The following NOS1 variants were observed in gnomAD, a reference collection of about 807,000 sequenced individuals.
The protein encoded by NOS1 is NOS type I.
NOS1 carries 51 observed loss-of-function variants against 164.5 expected under a neutral mutation model. The observed-to-expected ratio is 0.31, with a 90% CI of 0.25 to 0.39. The LOEUF (loss-of-function observed/expected upper bound fraction) is 0.39. Ranked by LOEUF, NOS1 falls within the 10% of genes least tolerant of loss-of-function variation. The pLI is 1.00. For missense variants in NOS1, 1,362 were observed against 1,885.6 expected (o/e 0.72, Z 5.14); for synonymous variants, 719 against 745.8 (o/e 0.96, Z 0.59).
chr12:117,350,495 C>T (rs1246616498), intron 1 of NOS1, among the ~76,000 whole-genome samples: 2 of 152,176 alleles, frequency 1.3e-5, no homozygotes, highest in Non-Finnish European at 2.9e-5. Context: ...TTATAGTACC[C>T]ACTCCCATTT....
At position 117,318,392 on chromosome 12, in the gene NOS1, A is replaced by G. The variant is rs76893201; in HGVS notation, c.726-6800T>C. 3.0e-3 allele frequency among the ~76,000 whole-genome samples: 462 copies of G among 152,220 alleles called. 2 individuals carry two copies. Among genetic ancestry groups the G allele is most frequent in the African/African-American group, 0.011 (438 of 41,536 alleles). On this transcript the variant is annotated intron_variant, in intron 2 of 28. Transcript: ENST00000317775. ...GTCAGCCTTTCCTTTCTTCACTCCCATCCTCCTATAAGGCCAGGTGTGGAG... is the reference window on the plus strand; with the variant it reads ...GTCAGCCTTTCCTTTCTTCACTCCCGTCCTCCTATAAGGCCAGGTGTGGAG...
intron 3 of NOS1, among the ~76,000 whole-genome samples, chr12:117,302,314 G>A (rs1463018290): frequency 6.6e-6 from 1 of 152,120 alleles, no homozygotes; most frequent in African/African-American, 2.4e-5. Context: ...ATTAGTTGTC[G>A]GCCGGCGCGG....
At chr12:117,247,944 T>TAAAAAAAA (rs534303027) in intron 17 of NOS1, among the ~76,000 whole-genome samples, 1 of 118,188 alleles carries the variant, frequency 8.5e-6, no homozygotes, top group African/African-American at 3.0e-5. Flanking sequence ...AGACTCCGTC[T>TAAAAAAAA]AAAAAAAAAA....
At chr12:117,321,261 C>T (rs1325753869) in intron 2 of NOS1, among the ~76,000 whole-genome samples, 8 of 152,294 alleles carry the variant, frequency 5.3e-5, no homozygotes, top group East Asian at 1.9e-4. Context: ...CCACCCGCCT[C>T]GGCCTCCCAA....
rs901611780 is a variant in NOS1, at chr12:117,280,579, A to G, written c.1524+146T>C. 7 of 818,784 alleles carry G rather than the reference A, an allele frequency of 8.5e-6. No homozygotes were observed. In the South Asian group the frequency reaches 1.2e-4, roughly 14 times the overall value. 50.7% of individuals were successfully genotyped at this position (818,784 alleles called of 1,614,324 possible). A position where few individuals can be genotyped will look rare whatever the true frequency, so the allele number is the denominator to read the frequency against. On this transcript the variant is annotated intron_variant, in intron 8 of 28. Coordinates refer to ENST00000317775, the MANE Select transcript of NOS1 (RefSeq NM_000620.5). ...CTGTAAAAGAATTAGATTGGGGAAC[A>G]GCCTGATGGAGAAGCAGGTTTGGAG...
chr12:117,322,681 TCTTC>T (rs58277123), intron 2 of NOS1, among the ~76,000 whole-genome samples: 44,956 of 110,468 alleles, frequency 0.41, 9,671 homozygotes, highest in Admixed American at 0.48. Flanking sequence ...CTGCTTCCTT[TCTTC>T]CTTCCTTCCT....
At position 117,311,475 on chromosome 12, in the gene NOS1, C is replaced by T; in HGVS notation, c.843G>A (p.Glu281=). 2 of 1,606,564 alleles carry T rather than the reference C, an allele frequency of 1.2e-6. No homozygotes were observed. The highest frequency in any genetic ancestry group is 2.7e-5 in the African/African-American group (2 of 74,966). ...GGCATCAAGCACTTACCTGCTCCTT[C>T]TCTGAATATGGGTTGTTGAGGACGA... The part of the protein sequence containing the change: ...VPVVLNNPYS[E]KEQPPTSGKQ... Residue 281 remains glutamate (E), a synonymous_variant, in exon 3 of 29, where the codon GAG becomes GAA. Transcript: ENST00000317775.
In NOS1 at chr12:117,290,371, G is replaced by C; in HGVS notation, c.908C>G (p.Pro303Arg). The part of the protein sequence containing the change: ...PTKNGSPSKC[P>R]RFLKVKNWET... ...CCAGTTCTTGACCTTGAGGAAGCGT[G>C]GACACTTGGAGGGGCTGCCATTCTT... The change falls in exon 4 of 29, where the codon CCA becomes CGA. Residue 303 changes from proline (P) to arginine (R), a missense_variant. By Grantham distance (103) the Pro-to-Arg change is moderately radical. Coordinates refer to ENST00000317775, the MANE Select transcript of NOS1 (RefSeq NM_000620.5). 1 of 1,613,994 alleles carries C rather than the reference G, an allele frequency of 6.2e-7. No individual in the cohort carries two copies. Among genetic ancestry groups the C allele is most frequent in the Non-Finnish European group, 8.5e-7 (1 of 1,179,946 alleles).
intron 6 of NOS1, 83 bp from the exon 7 acceptor site, chr12:117,285,415 C>T: frequency 1.3e-6 from 1 of 797,484 alleles, no homozygotes; most frequent in South Asian, 1.9e-5. Context: ...TTTAGGAGAA[C>T]CCAGATCCCA....
At chr12:117,357,491 T>C (rs948686492) in intron 1 of NOS1, among the ~76,000 whole-genome samples, 4 of 152,242 alleles carry the variant, frequency 2.6e-5, no homozygotes, top group African/African-American at 9.6e-5. Flanking sequence ...CGATGAGGAT[T>C]GGACAATAAG....
chr12:117,343,768 C>T (rs1876221058), intron 1 of NOS1, among the ~76,000 whole-genome samples: 1 of 152,152 alleles, frequency 6.6e-6, no homozygotes, highest in Non-Finnish European at 1.5e-5. Context: ...TCCTTGGGTG[C>T]TTTCTGGTGT....
rs1956524626 is a variant in NOS1, at chr12:117,211,337, G to A, written c.*3972C>T. On this transcript the variant is annotated 3_prime_UTR_variant, in exon 29 of 29. Coordinates refer to ENST00000317775, the MANE Select transcript of NOS1 (RefSeq NM_000620.5). ...CAGGTACGCTGATTCAGTTCCTGGA[G>A]TCTCTTTATCACTACATCCGCCTCT... is the stretch of plus-strand genomic sequence containing the variant. The A allele has an allele frequency of 1.0e-6, 1 of 985,298 alleles. No individual in the cohort carries two copies. The highest frequency in any genetic ancestry group is 4.7e-5 in the South Asian group (1 of 21,286). The allele number at this position is 985,298 out of a possible 1,614,324, so 61.0% of individuals were successfully genotyped here.
At chr12:117,296,447 A>C (rs190964282) in intron 3 of NOS1, among the ~76,000 whole-genome samples, 1 of 152,168 alleles carries the variant, frequency 6.6e-6, no homozygotes, top group African/African-American at 2.4e-5. Flanking sequence ...CAGAAGAATA[A>C]AAGCACCAGA....
Position 117,209,911 on chromosome 12 carries a change from G to C in NOS1, c.*5398C>G. Reference sequence around the variant, plus strand: ...GGGAACATCTATGTTGACTCCCTGGGAGGCAGGCCCCTTCCCTCAGACCCT... The same window carrying C: ...GGGAACATCTATGTTGACTCCCTGGCAGGCAGGCCCCTTCCCTCAGACCCT... On this transcript the variant is annotated 3_prime_UTR_variant, in exon 29 of 29. Transcript: ENST00000317775. 1 of 985,524 alleles carries C rather than the reference G, an allele frequency of 1.0e-6. No homozygotes were observed. Among genetic ancestry groups the C allele is most frequent in the Non-Finnish European group, 1.2e-6 (1 of 829,990 alleles). The allele number at this position is 985,524 out of a possible 1,614,324, so 61.0% of individuals were successfully genotyped here. A position where few individuals can be genotyped will look rare whatever the true frequency, so the allele number is the denominator to read the frequency against.
rs1956496135 is a variant in NOS1 at position 117,209,526 on chromosome 12, G to A, written c.*5783C>T. 2.0e-6 allele frequency: 2 copies of A among 985,482 alleles called. No individual in the cohort carries two copies. Among genetic ancestry groups the A allele is most frequent in the Non-Finnish European group, 2.4e-6 (2 of 829,952 alleles). 61.0% of individuals were successfully genotyped at this position (985,482 alleles called of 1,614,324 possible). ...GAGGCAGATTTGTTCCCGCCTGCCA[G>A]GGCCATCTCGTTAATAACGGACTGT... On this transcript the variant is annotated 3_prime_UTR_variant, in exon 29 of 29. Coordinates refer to ENST00000317775, the MANE Select transcript of NOS1 (RefSeq NM_000620.5).
chr12:117,233,968 G>GT (rs1208117883), intron 21 of NOS1, among the ~76,000 whole-genome samples: 2 of 152,108 alleles, frequency 1.3e-5, no homozygotes, highest in East Asian at 3.8e-4. Flanking sequence ...GGTCTGCCAG[G>GT]TAAGCTCACT....
At chr12:117,280,661 A>C (rs1206612211) in intron 8 of NOS1, 64 bp downstream of exon 8, 3 of 606,256 alleles carry the variant, frequency 4.9e-6, no homozygotes, top group Non-Finnish European at 2.4e-6. Context: ...AGCCCGAAAA[A>C]GTCTGTGGTC....
intron 1 of NOS1, among the ~76,000 whole-genome samples, chr12:117,339,703 A>C (rs369081570): frequency 6.6e-6 from 1 of 152,236 alleles, no homozygotes; most frequent in Non-Finnish European, 1.5e-5. Flanking sequence ...GCATTAAATA[A>C]GCAGGAGATT....
chr12:117,304,028 C>T (rs1358014815), intron 3 of NOS1, among the ~76,000 whole-genome samples: 12 of 152,188 alleles, frequency 7.9e-5, no homozygotes, highest in South Asian at 2.1e-4. Context: ...AAAAATTAGC[C>T]GGGCGTGGCG....
Sources: allele counts gnomAD v4.1 joint callset (sites outside exome capture counted in the v4.1 genomes callset), GRCh38; gene constraint gnomAD v4.1.1; transcripts MANE v1.5; gene names NCBI Gene and HGNC (gene_info 2026-07-23, HGNC 2026-07-21).